CCNH: variants seen among roughly 807,000 people sequenced by gnomAD.
CCNH encodes cyclin-H.
In CCNH, 31 loss-of-function variants were observed where a neutral mutation model predicts 41.9. That is an observed-to-expected ratio of 0.74 (90% CI 0.56 to 1.00). The LOEUF is 1.00. Ranked by LOEUF, CCNH falls within the 50% of genes least tolerant of loss-of-function variation. CCNH has a pLI of 0.00. For synonymous variants in CCNH, 138 were observed against 136.1 expected (o/e 1.01, Z -0.10); for missense variants, 362 against 388.4 (o/e 0.93, Z 0.57).
downstream of CCNH, among the ~76,000 whole-genome samples, chr5:87,372,416 T>C (rs1761015630): frequency 1.3e-5 from 2 of 152,150 alleles, no homozygotes; most frequent in Non-Finnish European, 2.9e-5. Context: ...TCTTCCACTT[T>C]AAATAACAAC....
rs1760246925 is a variant in CCNH at position 87,363,197 on chromosome 5, T to C, written c.*90+29573A>G. ...AAGGCATTTTTGTACAGATTTGTTA[T>C]AGGCATTTTCTCATTATGTAAGAAT... On this transcript the variant is annotated intron_variant and NMD_transcript_variant, in intron 9 of 9. Coordinates refer to the CCNH transcript ENST00000645953. The C allele has an allele frequency of 1.4e-5, 10 of 718,084 alleles. No individual in the cohort carries two copies. In the South Asian group the frequency reaches 1.7e-4, roughly 12 times the overall value. The allele number at this position is 718,084 out of a possible 1,614,324, so 44.5% of individuals were successfully genotyped here.
upstream of CCNH, chr5:87,379,928 C>T (rs145658483): frequency 5.7e-6 from 8 of 1,398,788 alleles, no homozygotes; most frequent in Non-Finnish European, 8.0e-6. Flanking sequence ...AACGTGAAAG[C>T]TTTTCTGTTG....
chr5:87,356,185 G>T (rs1393546848), intron 9 of CCNH, among the ~76,000 whole-genome samples: 2 of 152,112 alleles, frequency 1.3e-5, no homozygotes, highest in Non-Finnish European at 2.9e-5. Context: ...TGGGTAAAAT[G>T]GTATCAAACA....
downstream of CCNH, chr5:87,391,872 T>TATTC (rs1268522701): frequency 4.3e-6 from 1 of 230,666 alleles, no homozygotes; most frequent in African/African-American, 2.2e-5. Context: ...TTTTGTGAAG[T>TATTC]ATTCACAAAG....
downstream of CCNH, chr5:87,372,083 T>C (rs180996961): frequency 6.8e-4 from 1,069 of 1,569,692 alleles, 12 homozygotes; most frequent in East Asian, 0.019. Flanking sequence ...AATAAACTAG[T>C]GTATATTTCT....
At chr5:87,332,469 A>C (rs1757672067) in intron 9 of CCNH, 2 of 1,568,182 alleles carry the variant, frequency 1.3e-6, no homozygotes, top group Admixed American at 1.7e-5. Context: ...ATTGGCTGTA[A>C]AGATTTTTTT....
intron 5 of CCNH, among the ~76,000 whole-genome samples, chr5:87,403,324 TG>T (rs1283591416): frequency 6.6e-6 from 1 of 152,174 alleles, no homozygotes; most frequent in Admixed American, 6.5e-5. Flanking sequence ...ATTTCAATTT[TG>T]CCTTCCTGGA....
At chr5:87,377,078 G>C in exon 1 of CCNH, 1 of 1,584,420 alleles carries the variant, frequency 6.3e-7, no homozygotes, top group South Asian at 1.1e-5. Flanking sequence ...CAAGAAACTG[G>C]GTTTAGATTT....
chr5:87,407,488 C>T lies in CCNH; in HGVS notation c.525+488G>A, dbSNP rs181422446. ...AACAACTTAAAAAAGTTGCTTTTGT[C>T]AATGTTTGTTTACGTATATTATTGA... On this transcript the variant is annotated intron_variant, in intron 4 of 8. Coordinates refer to ENST00000256897, the MANE Select transcript of CCNH (RefSeq NM_001239.4). Among the ~76,000 whole-genome samples, 866 of 152,174 alleles carry T rather than the reference C, an allele frequency of 5.7e-3. 3 individuals carry two copies. The highest frequency in any genetic ancestry group is 7.9e-3 in the Non-Finnish European group (540 of 67,976).
intron 9 of CCNH, chr5:87,385,203 T>C (rs1167209077): frequency 1.5e-5 from 12 of 823,972 alleles, no homozygotes; most frequent in Non-Finnish European, 2.5e-5. Context: ...TGGGTAGTAG[T>C]TTAACAGTAA....
intron 9 of CCNH, among the ~76,000 whole-genome samples, chr5:87,350,821 C>A (rs1026264964): frequency 6.6e-6 from 1 of 151,310 alleles, no homozygotes; most frequent in Non-Finnish European, 1.5e-5. Flanking sequence ...TTTATAAATT[C>A]ATCTTATTGT....
rs1230154964 is a variant in CCNH, at chr5:87,376,467, A to T, written n.714T>A. 1 of 1,614,056 alleles carries T rather than the reference A, an allele frequency of 6.2e-7. No individual in the cohort carries two copies. Among genetic ancestry groups the T allele is most frequent in the Admixed American group, 1.7e-5 (1 of 60,022 alleles). On this transcript the variant is annotated non_coding_transcript_exon_variant, in exon 1 of 1. Coordinates refer to the CCNH transcript ENST00000607486. ...TGAATGGTTTCTGCTCAGCTCCCATATACCATTAAAAGGTATTGAACCAGG... is the reference window on the plus strand; with the variant it reads ...TGAATGGTTTCTGCTCAGCTCCCATTTACCATTAAAAGGTATTGAACCAGG...
At position 87,338,536 on chromosome 5, in the gene CCNH, A is replaced by ATTTTTTTT. The variant is rs1232583853; in HGVS notation, c.*91-19647_*91-19640dup. Among the ~76,000 whole-genome samples the ATTTTTTTT allele has an allele frequency of 6.2e-4, 53 of 85,214 alleles. 1 individual carries two copies. The highest frequency in any genetic ancestry group is 2.2e-3 in the African/African-American group (49 of 22,620). The allele number at this position is 85,214 out of a possible 152,430, so 55.9% of individuals were successfully genotyped here. On this transcript the variant is annotated intron_variant and NMD_transcript_variant, in intron 9 of 9. Transcript: ENST00000645953. ...ATATATATATATATATATATATAAA[A>ATTTTTTTT]TTTTTTTTTTTTTTAAGTAGAAATG...
chr5:87,346,509 T>A (rs535673601), intron 9 of CCNH, among the ~76,000 whole-genome samples: 2 of 152,084 alleles, frequency 1.3e-5, no homozygotes, highest in Admixed American at 1.3e-4. Context: ...AAGTATAATA[T>A]GTATATAAAA....
downstream of CCNH, chr5:87,374,167 G>T: frequency 6.8e-7 from 1 of 1,480,798 alleles, no homozygotes; most frequent in African/African-American, 1.4e-5. Context: ...TTTTAGGTCA[G>T]CAGCCTTGTT....
At chr5:87,378,222 G>C (rs563990762), upstream of CCNH, among the ~76,000 whole-genome samples, 1 of 152,170 alleles carries the variant, frequency 6.6e-6, no homozygotes, top group Non-Finnish European at 1.5e-5. Context: ...GTCTTACAGA[G>C]TTAAGTCTGT....
upstream of CCNH, among the ~76,000 whole-genome samples, chr5:87,381,107 C>G (rs1298323638): frequency 1.3e-5 from 2 of 152,156 alleles, no homozygotes; most frequent in African/African-American, 4.8e-5. Context: ...TATAAAGGGA[C>G]TTCATTATCA....
At chr5:87,399,317 A>C in intron 7 of CCNH, 77 bp downstream of exon 7, 1 of 1,034,362 alleles carries the variant, frequency 9.7e-7, no homozygotes, top group Non-Finnish European at 1.5e-6. Context: ...ATGAGCAAAC[A>C]CCAATAAAAT....
rs1050494024 is a variant in CCNH, at chr5:87,412,687, G to A, written c.108C>T (p.Ala36=). 5 of 1,613,928 alleles carry A rather than the reference G, an allele frequency of 3.1e-6. No homozygotes were observed. The highest frequency in any genetic ancestry group is 1.3e-5 in the African/African-American group (1 of 74,942). Residue 36 remains alanine, a synonymous_variant, in exon 1 of 9, where the codon GCC becomes GCT. Transcript: ENST00000256897. ...ANRKFRCKAV[A]NGKVLPNDPV... ...GTTGGGAAAACCTCACCTTCCCGTT[G>A]GCCACGGCTTTGCATCTGAATTTGC... is the stretch of plus-strand genomic sequence containing the variant.
Sources: gnomAD v4.1 joint callset for allele counts (sites outside exome capture counted in the v4.1 genomes callset) on GRCh38, gnomAD v4.1.1 for gene constraint, MANE v1.5 for transcripts, NCBI Gene and HGNC (gene_info 2026-07-23, HGNC 2026-07-21) for gene names.